The following DLGAP2 variants were observed in gnomAD, a reference collection of about 807,000 sequenced individuals.
The protein encoded by DLGAP2 is DLG associated protein 2.
A neutral mutation model predicts 100.3 loss-of-function variants in DLGAP2; 26 were observed. The observed-to-expected ratio is 0.26, with a 90% CI of 0.19 to 0.36. The LOEUF (loss-of-function observed/expected upper bound fraction) is 0.36, where lower values mean the gene tolerates loss of function less well. DLGAP2 is among the 10% of genes least tolerant of loss of function. The pLI, the probability that DLGAP2 is intolerant of heterozygous loss-of-function variation, is 1.00. For missense variants in DLGAP2, 1,858 were observed against 1,453.2 expected, an observed-to-expected ratio of 1.28 and a Z score of -4.53; for synonymous variants, 886 against 630.1, an observed-to-expected ratio of 1.41 and a Z score of -6.08.
intron 1 of DLGAP2, among the ~76,000 whole-genome samples, chr8:743,546 G>C (rs920575641): frequency 4.6e-5 from 7 of 152,162 alleles, no homozygotes; most frequent in African/African-American, 1.7e-4. Context: ...CCTCAGCACT[G>C]ATGACCTCTT....
At chr8:1,091,441 T>A (rs1176993218) in intron 2 of DLGAP2, among the ~76,000 whole-genome samples, 1 of 152,220 alleles carries the variant, frequency 6.6e-6, no homozygotes, top group Non-Finnish European at 1.5e-5. Flanking sequence ...ATTAAAAACA[T>A]CTACTTAATA....
At chr8:947,755 G>A (rs1799365040) in intron 2 of DLGAP2, among the ~76,000 whole-genome samples, 2 of 152,172 alleles carry the variant, frequency 1.3e-5, no homozygotes, top group South Asian at 4.1e-4. Flanking sequence ...TTGAGGATCC[G>A]GCTCCCCGGT....
At chr8:750,611 T>C (rs1054705123) in intron 1 of DLGAP2, among the ~76,000 whole-genome samples, 8 of 152,228 alleles carry the variant, frequency 5.3e-5, no homozygotes, top group African/African-American at 1.9e-4. Context: ...AAGTGAGCTA[T>C]TATTTTACAG....
chr8:748,898 A>C (rs954242686), intron 1 of DLGAP2, among the ~76,000 whole-genome samples: 2 of 152,128 alleles, frequency 1.3e-5, no homozygotes, highest in African/African-American at 4.8e-5. Context: ...CTTTTATTAT[A>C]TTTGTTACAT....
intron 3 of DLGAP2, among the ~76,000 whole-genome samples, chr8:1,305,880 C>G (rs1374600227): frequency 1.3e-5 from 2 of 152,158 alleles, no homozygotes; most frequent in Non-Finnish European, 2.9e-5. Flanking sequence ...TGCCTGCCCT[C>G]TACTTATGTG....
chr8:1,588,427 A>G (rs919215733), intron 6 of DLGAP2, among the ~76,000 whole-genome samples: 2 of 152,218 alleles, frequency 1.3e-5, no homozygotes, highest in Non-Finnish European at 2.9e-5. Context: ...CTCATCTTAT[A>G]TGTAATTCTC....
intron 3 of DLGAP2, among the ~76,000 whole-genome samples, chr8:1,482,107 C>T (rs755262359): frequency 6.6e-6 from 1 of 152,254 alleles, no homozygotes; most frequent in African/African-American, 2.4e-5. Flanking sequence ...GGCTGTGTGA[C>T]ATCTGTCACC....
At chr8:1,589,640 G>C (rs562702553) in intron 6 of DLGAP2, among the ~76,000 whole-genome samples, 3 of 152,246 alleles carry the variant, frequency 2.0e-5, no homozygotes, top group South Asian at 4.2e-4. Flanking sequence ...TAGAGATGGG[G>C]TTTCATCACG....
At chr8:1,215,243 G>A (rs936783170) in intron 2 of DLGAP2, among the ~76,000 whole-genome samples, 4 of 152,220 alleles carry the variant, frequency 2.6e-5, no homozygotes, top group Non-Finnish European at 4.4e-5. Context: ...TTTGTGAGTA[G>A]GAGAAGAGAA....
intron 2 of DLGAP2, among the ~76,000 whole-genome samples, chr8:1,200,264 G>C (rs1797841959): frequency 6.6e-6 from 1 of 152,166 alleles, no homozygotes; most frequent in Non-Finnish European, 1.5e-5. Context: ...CCCCATCGAG[G>C]CTTCATGCGC....
At chr8:1,167,199 A>G (rs1195237096) in intron 2 of DLGAP2, among the ~76,000 whole-genome samples, 4 of 152,218 alleles carry the variant, frequency 2.6e-5, no homozygotes, top group Non-Finnish European at 5.9e-5. Context: ...CGAAAAAGTT[A>G]GAAGAAAAAA....
chr8:1,372,572 T>C (rs1205861608), intron 3 of DLGAP2, among the ~76,000 whole-genome samples: 1 of 152,172 alleles, frequency 6.6e-6, no homozygotes, highest in East Asian at 1.9e-4. Context: ...GGCTGCTGCC[T>C]GCTAGATGCC....
intron 2 of DLGAP2, among the ~76,000 whole-genome samples, chr8:1,179,181 A>G (rs1330412672): frequency 2.0e-5 from 3 of 152,252 alleles, no homozygotes; most frequent in Non-Finnish European, 4.4e-5. Context: ...TGCCCAAAGA[A>G]AGTAAATGGC....
chr8:843,034 C>T (rs561185130), intron 1 of DLGAP2, among the ~76,000 whole-genome samples: 18 of 152,288 alleles, frequency 1.2e-4, no homozygotes, highest in African/African-American at 4.3e-4. Flanking sequence ...GTACCTCTGG[C>T]GGGCTTTCGT....
intron 2 of DLGAP2, among the ~76,000 whole-genome samples, chr8:1,038,851 G>A: frequency 6.6e-6 from 1 of 152,150 alleles, no homozygotes; most frequent in East Asian, 1.9e-4. Flanking sequence ...AAATCAAGTT[G>A]TGTGAGGAAC....
At chr8:1,364,710 G>T (rs192383470) in intron 3 of DLGAP2, among the ~76,000 whole-genome samples, 115 of 152,350 alleles carry the variant, frequency 7.5e-4, no homozygotes, top group African/African-American at 2.5e-3. Flanking sequence ...TAAAGCTTGC[G>T]TGGGGGAGAC....
chr8:1,072,904 C>T (rs1160251749), intron 2 of DLGAP2, among the ~76,000 whole-genome samples: 6 of 152,206 alleles, frequency 3.9e-5, no homozygotes. Context: ...TTTCTCCCTG[C>T]TGGCTGAGAC....
At chr8:990,130 A>G (rs1483424528) in intron 2 of DLGAP2, among the ~76,000 whole-genome samples, 3 of 152,098 alleles carry the variant, frequency 2.0e-5, no homozygotes, top group Non-Finnish European at 1.5e-5. Context: ...CCTTTCTATC[A>G]GCCTGATGAT....
intron 2 of DLGAP2, among the ~76,000 whole-genome samples, chr8:1,091,374 G>C (rs899815366): frequency 6.6e-6 from 1 of 152,236 alleles, no homozygotes; most frequent in Admixed American, 6.5e-5. Context: ...ACATGGGGGA[G>C]GCCAGTGTTT....
Sources: allele counts gnomAD v4.1 joint callset (sites outside exome capture counted in the v4.1 genomes callset), GRCh38; gene constraint gnomAD v4.1.1; transcripts MANE v1.5; gene names NCBI Gene and HGNC (gene_info 2026-07-23, HGNC 2026-07-21).